TEX51: variants seen among roughly 807,000 people sequenced by gnomAD.
TEX51 encodes testis expressed 51.
TEX51 carries 14 observed loss-of-function variants against 8.0 expected under a neutral mutation model. The ratio of observed to expected loss-of-function variants is 1.76; its 90% confidence interval spans 1.16 to 2.75. The LOEUF (loss-of-function observed/expected upper bound fraction) is 2.75. Ranked by LOEUF, TEX51 falls within the 30% of genes most tolerant of loss-of-function variation. The probability of loss-of-function intolerance (pLI) is 0.00; values close to 1 mark genes in which losing one functional copy is unlikely to be tolerated. For synonymous variants in TEX51, 58 were observed against 28.6 expected, an observed-to-expected ratio of 2.03 and a Z score of -3.29; for missense variants, 142 against 77.4, an observed-to-expected ratio of 1.83 and a Z score of -3.13.
rs1465895723 is a variant in TEX51, at chr2:126,902,005, C to T, written c.*136C>T. 1.7e-6 allele frequency: 1 copy of T among 571,826 alleles called. No homozygotes were observed. The highest frequency in any genetic ancestry group is 3.1e-6 in the Non-Finnish European group (1 of 321,106). The allele number at this position is 571,826 out of a possible 1,614,324, so 35.4% of individuals were successfully genotyped here. On this transcript the variant is annotated 3_prime_UTR_variant, in exon 7 of 7. Transcript: ENST00000568484. Reference sequence around the variant, plus strand: ...CATCCTGGGTCCTGGGGCCCCAAAGCTCTGAGGCCTAGGAGACTGCGCTGT... The same window carrying T: ...CATCCTGGGTCCTGGGGCCCCAAAGTTCTGAGGCCTAGGAGACTGCGCTGT...
At chr2:126,900,409 A>G (rs1225150720) in intron 4 of TEX51, among the ~76,000 whole-genome samples, 1 of 151,476 alleles carries the variant, frequency 6.6e-6, no homozygotes, top group Non-Finnish European at 1.5e-5. Flanking sequence ...AAAAAAAAAG[A>G]AAGAAAAAAG....
rs1035696792 is a variant in TEX51, at chr2:126,899,916, C to G, written c.311-20C>G. On this transcript the variant is annotated intron_variant, in intron 3 of 6. Coordinates refer to ENST00000568484, the MANE Select transcript of TEX51 (RefSeq NM_001322244.2). ...AAAGGCACCTGGCACCCCCTAGCCC[C>G]TGTCCCTCCCCTCCCATAGACATAC... 7.1e-6 allele frequency: 5 copies of G among 702,104 alleles called. No individual in the cohort carries two copies. Among genetic ancestry groups the G allele is most frequent in the Non-Finnish European group, 1.3e-5 (5 of 384,818 alleles). 43.5% of individuals were successfully genotyped at this position (702,104 alleles called of 1,614,324 possible). A position where few individuals can be genotyped will look rare whatever the true frequency, so the allele number is the denominator to read the frequency against.
In TEX51 at chr2:126,901,296, C is replaced by T. The variant is rs999063205; in HGVS notation, c.463+18C>T. The T allele has an allele frequency of 5.7e-6, 4 of 700,928 alleles. No homozygotes were observed. In the Admixed American group the frequency reaches 8.0e-5, roughly 14 times the overall value. The allele number at this position is 700,928 out of a possible 1,614,324, so 43.4% of individuals were successfully genotyped here. ...AGCTGGAGGTGGGTGAGTGACCTCT[C>T]CAAGCCCCAGCATCCCCAGGGAAGA... On this transcript the variant is annotated intron_variant, in intron 5 of 6. Coordinates refer to ENST00000568484, the MANE Select transcript of TEX51 (RefSeq NM_001322244.2).
chr2:126,899,039 G>T lies in TEX51; in HGVS notation c.121G>T (p.Gly41Trp). The change falls in exon 1 of 7, where the codon GGG becomes TGG. Residue 41 changes from glycine (G) to tryptophan (W), a missense_variant. Gly to Trp is a radical substitution (Grantham distance 184). Coordinates refer to ENST00000568484, the MANE Select transcript of TEX51 (RefSeq NM_001322244.2). The stretch of plus-strand genomic sequence containing the variant: ...CCTGCAGATCCTCTGGGTGACCCCA[G>T]GGCCACCCACAGAACTTTCTCAAAG... ...YDLQILWVTP[G>W]PPTELSQNRD... The T allele has an allele frequency of 1.4e-6, 1 of 702,264 alleles. No individual in the cohort carries two copies. The highest frequency in any genetic ancestry group is 2.6e-6 in the Non-Finnish European group (1 of 384,824). 43.5% of individuals were successfully genotyped at this position (702,264 alleles called of 1,614,324 possible).
intron 4 of TEX51, among the ~76,000 whole-genome samples, chr2:126,900,450 A>G (rs6431196): frequency 0.97 from 147,907 of 151,824 alleles, 72,184 homozygotes; most frequent in East Asian, 1. Context: ...CAATCCCATC[A>G]AACCCCCAAA....
At position 126,899,981 on chromosome 2, in the gene TEX51, CT is replaced by C. The variant is rs751134413; in HGVS notation, c.357del (p.His120ThrfsTer23). On this transcript the variant is annotated frameshift_variant, in exon 4 of 7. Transcript: ENST00000568484. LOFTEE classifies it high-confidence loss of function. ...LKVTSCADCR[T>X]HFLSCNDPTF... ...GTCACCAGCTGTGCTGACTGCAGGACTCACTTCCTCTCCTGCAATGACCCCA... is the reference window on the plus strand; with the variant it reads ...GTCACCAGCTGTGCTGACTGCAGGACCACTTCCTCTCCTGCAATGACCCCA... The C allele has an allele frequency of 2.9e-6, 2 of 701,512 alleles. No individual in the cohort carries two copies. The highest frequency in any genetic ancestry group is 3.0e-5 in the South Asian group (2 of 67,536). The allele number at this position is 701,512 out of a possible 1,614,324, so 43.5% of individuals were successfully genotyped here.
chr2:126,900,793 A>G (rs938737332), intron 4 of TEX51, among the ~76,000 whole-genome samples: 2 of 152,136 alleles, frequency 1.3e-5, no homozygotes, highest in Non-Finnish European at 2.9e-5. Flanking sequence ...CCTCCTCGGG[A>G]GCCCCCTACT....
intron 5 of TEX51, 37 bp from the exon 6 acceptor site, chr2:126,901,328 T>C (rs1274601487): frequency 2.8e-6 from 2 of 702,204 alleles, no homozygotes; most frequent in South Asian, 3.0e-5. Flanking sequence ...AAGACACACC[T>C]ATTCCCTGAC....
rs1049613439 is a variant in TEX51 at position 126,902,043 on chromosome 2, C to T, written c.*174C>T. 2 of 508,276 alleles carry T rather than the reference C, an allele frequency of 3.9e-6. No individual in the cohort carries two copies. The highest frequency in any genetic ancestry group is 7.0e-6 in the Non-Finnish European group (2 of 287,310). 31.5% of individuals were successfully genotyped at this position (508,276 alleles called of 1,614,324 possible). ...GAGACTGCGCTGTCTCGTGGTTTGC[C>T]TACTCCTACACCTTTGTAAAGAGTC... On this transcript the variant is annotated 3_prime_UTR_variant, in exon 7 of 7. Coordinates refer to ENST00000568484, the MANE Select transcript of TEX51 (RefSeq NM_001322244.2).
chr2:126,899,133 G>T (rs1680179676), intron 1 of TEX51, 70 bp downstream of exon 1: 1 of 701,192 alleles, frequency 1.4e-6, no homozygotes, highest in Non-Finnish European at 2.6e-6. Context: ...GCACAGCCAG[G>T]AGATCAGGGA....
chr2:126,900,404 A>G lies in TEX51; in HGVS notation c.394+385A>G, dbSNP rs375375377. Among the ~76,000 whole-genome samples, 18 of 151,918 alleles carry G rather than the reference A, an allele frequency of 1.2e-4. No homozygotes were observed. In the East Asian group the frequency reaches 2.1e-3, roughly 18 times the overall value. ...GCAAGACTCTGTTTCAAAAAAAAAA[A>G]AAAGAAAGAAAAAAGAAAAGAAAAA... On this transcript the variant is annotated intron_variant, in intron 4 of 6. Coordinates refer to ENST00000568484, the MANE Select transcript of TEX51 (RefSeq NM_001322244.2).
intron 4 of TEX51, among the ~76,000 whole-genome samples, chr2:126,900,958 C>T (rs1025771929): frequency 6.6e-6 from 1 of 152,216 alleles, no homozygotes; most frequent in Non-Finnish European, 1.5e-5. Flanking sequence ...CCCTGATCAG[C>T]TCCCACCCCA....
rs1316756360 is a variant in TEX51, at chr2:126,899,833, C to A, written c.311-103C>A. Reference sequence around the variant, plus strand: ...TTCTCTACCTTCTCACCCTCCCTGGCAGCCTGCAATGAGTCCTGTGGTGAG... The same window carrying A: ...TTCTCTACCTTCTCACCCTCCCTGGAAGCCTGCAATGAGTCCTGTGGTGAG... On this transcript the variant is annotated intron_variant, in intron 3 of 6. Coordinates refer to ENST00000568484, the MANE Select transcript of TEX51 (RefSeq NM_001322244.2). 7 of 702,280 alleles carry A rather than the reference C, an allele frequency of 1.0e-5. 1 individual carries two copies. The highest frequency in any genetic ancestry group is 2.3e-4 in the Middle Eastern group (1 of 4,364). The allele number at this position is 702,280 out of a possible 1,614,324, so 43.5% of individuals were successfully genotyped here.
At chr2:126,901,608 G>T in intron 6 of TEX51, 1 of 599,852 alleles carries the variant, frequency 1.7e-6, no homozygotes, top group Non-Finnish European at 3.0e-6. Context: ...CAGGGGCCCA[G>T]GACACAGAAA....
rs61730218 is a variant in TEX51, at chr2:126,899,281, G to A, written c.210G>A (p.Thr70=). ...CTCAAGTACACCAAGCCATTAAAACGTTACGAGATGGTGAGGAAGCCAAGA... is the reference window on the plus strand; with the variant it reads ...CTCAAGTACACCAAGCCATTAAAACATTACGAGATGGTGAGGAAGCCAAGA... ...FFTQVHQAIK[T]LRDDKTVLLE... is the part of the protein sequence containing the mutation. Residue 70 remains threonine, a synonymous_variant, in exon 2 of 7, where the codon ACG becomes ACA. Transcript: ENST00000568484. 78,473 of 701,858 alleles carry A rather than the reference G, an allele frequency of 0.11. 5,350 individuals carry two copies. The highest frequency in any genetic ancestry group is 0.26 in the African/African-American group (14,788 of 57,186). 43.5% of individuals were successfully genotyped at this position (701,858 alleles called of 1,614,324 possible).
chr2:126,901,950 G>T lies in TEX51; in HGVS notation c.*81G>T, dbSNP rs573136227. 3.0e-6 allele frequency: 2 copies of T among 668,438 alleles called. No homozygotes were observed. Among genetic ancestry groups the T allele is most frequent in the South Asian group, 3.2e-5 (2 of 62,998 alleles). The allele number at this position is 668,438 out of a possible 1,614,324, so 41.4% of individuals were successfully genotyped here. A position where few individuals can be genotyped will look rare whatever the true frequency, so the allele number is the denominator to read the frequency against. On this transcript the variant is annotated 3_prime_UTR_variant, in exon 7 of 7. Transcript: ENST00000568484. ...CGTCACAAAGTTCACTCATCTCTGG[G>T]TCCCGGTGACCCCATCCCCCCATAC...
intron 4 of TEX51, among the ~76,000 whole-genome samples, chr2:126,900,964 C>T (rs924755490): frequency 1.3e-5 from 2 of 152,222 alleles, no homozygotes; most frequent in Non-Finnish European, 2.9e-5. Flanking sequence ...TCAGCTCCCA[C>T]CCCAGAGGCT....
At chr2:126,899,747 C>A in intron 3 of TEX51, 135 bp downstream of exon 3, 1 of 701,156 alleles carries the variant, frequency 1.4e-6, no homozygotes, top group Non-Finnish European at 2.6e-6. Context: ...GCCTTCCCGG[C>A]TCCATCTCCT....
At position 126,901,485 on chromosome 2, in the gene TEX51, G is replaced by A. The variant is rs1194255070; in HGVS notation, c.*2+81G>A. On this transcript the variant is annotated intron_variant, in intron 6 of 6. Transcript: ENST00000568484. ...GTGTGCCCTGGGAGTCTCAGGGCCTGGAACCCCAGTGCTGACCTCCTGGGG... is the reference window on the plus strand; with the variant it reads ...GTGTGCCCTGGGAGTCTCAGGGCCTAGAACCCCAGTGCTGACCTCCTGGGG... The A allele has an allele frequency of 8.6e-6, 6 of 694,062 alleles. No individual in the cohort carries two copies. The Admixed American group carries it at 1.0e-4, about 12-fold the overall frequency. 43.0% of individuals were successfully genotyped at this position (694,062 alleles called of 1,614,324 possible). A position where few individuals can be genotyped will look rare whatever the true frequency, so the allele number is the denominator to read the frequency against.
Sources: allele counts gnomAD v4.1 joint callset (sites outside exome capture counted in the v4.1 genomes callset), GRCh38; gene constraint gnomAD v4.1.1; transcripts MANE v1.5; gene names NCBI Gene and HGNC (gene_info 2026-07-23, HGNC 2026-07-21).